TGFBR3: variants seen among roughly 807,000 people sequenced by gnomAD.
TGFBR3 encodes the protein transforming growth factor beta receptor type 3.
TGFBR3 carries 46 observed loss-of-function variants against 87.9 expected under a neutral mutation model. The ratio of observed to expected loss-of-function variants is 0.52; its 90% CI spans 0.41 to 0.67. The LOEUF is 0.67. TGFBR3 is among the 30% of genes least tolerant of loss of function. The pLI is 0.00. For missense variants in TGFBR3, 866 were observed against 1,041.9 expected (o/e 0.83, Z 2.32); for synonymous variants, 381 against 391.6 (o/e 0.97, Z 0.32).
chr1:91,859,570 T>A (rs1424518430), intron 2 of TGFBR3, among the ~76,000 whole-genome samples: 1 of 151,988 alleles, frequency 6.6e-6, no homozygotes, highest in Non-Finnish European at 1.5e-5. Flanking sequence ...AATGGGCAGT[T>A]GAAATTCATA....
chr1:91,781,793 GGA>G (rs1275741026), intron 3 of TGFBR3, among the ~76,000 whole-genome samples: 1 of 151,936 alleles, frequency 6.6e-6, no homozygotes, highest in Admixed American at 6.6e-5. Context: ...TTCCATATTT[GGA>G]AATAGGCTGG....
chr1:91,902,548 G>A (rs1373565927), intron 1 of TGFBR3, among the ~76,000 whole-genome samples: 2 of 151,858 alleles, frequency 1.3e-5, no homozygotes, highest in African/African-American at 4.8e-5. Context: ...CTCCCAAAGT[G>A]CTGGGATTAT....
At chr1:91,830,348 T>A (rs1357531719) in intron 2 of TGFBR3, among the ~76,000 whole-genome samples, 1 of 152,166 alleles carries the variant, frequency 6.6e-6, no homozygotes, top group Non-Finnish European at 1.5e-5. Context: ...GTGTTTGGTA[T>A]GTCTTTGTTT....
intron 16 of TGFBR3, 88 bp downstream of exon 16, chr1:91,695,584 C>T (rs1171653345): frequency 1.1e-5 from 12 of 1,083,848 alleles, no homozygotes; most frequent in South Asian, 6.3e-5. Context: ...CTCTTTCATT[C>T]GTTATTTCAT....
At chr1:91,824,942 A>G (rs1472580616) in intron 2 of TGFBR3, among the ~76,000 whole-genome samples, 2 of 150,358 alleles carry the variant, frequency 1.3e-5, no homozygotes, top group Non-Finnish European at 3.0e-5. Context: ...CCTGGGTGAC[A>G]GAGCAAGACT....
intron 1 of TGFBR3, among the ~76,000 whole-genome samples, chr1:91,872,127 T>C (rs941163215): frequency 1.3e-5 from 2 of 152,224 alleles, no homozygotes; most frequent in Non-Finnish European, 2.9e-5. Context: ...GCCTTTGCCT[T>C]TCTTGGCTGG....
intron 12 of TGFBR3, among the ~76,000 whole-genome samples, chr1:91,715,015 T>C (rs1156911223): frequency 6.6e-6 from 1 of 152,108 alleles, no homozygotes; most frequent in Non-Finnish European, 1.5e-5. Flanking sequence ...TGCACCAAAG[T>C]CACTTTTAAC....
At chr1:91,877,936 A>G (rs1218607547) in intron 1 of TGFBR3, among the ~76,000 whole-genome samples, 1 of 152,230 alleles carries the variant, frequency 6.6e-6, no homozygotes, top group African/African-American at 2.4e-5. Context: ...TAAAAGATAG[A>G]CCAGCAATAG....
chr1:91,774,999 C>G (rs1674519525), intron 3 of TGFBR3, among the ~76,000 whole-genome samples: 1 of 151,988 alleles, frequency 6.6e-6, no homozygotes, highest in Admixed American at 6.5e-5. Context: ...ACATTCTACT[C>G]CAAATGTTTG....
intron 2 of TGFBR3, among the ~76,000 whole-genome samples, chr1:91,894,359 T>A (rs775048116): frequency 3.1e-4 from 47 of 152,168 alleles, no homozygotes; most frequent in Non-Finnish European, 4.9e-4. Flanking sequence ...TACTAGAATA[T>A]TTCTTGTCTT....
chr1:91,905,003 T>A (rs1679815322), intron 1 of TGFBR3, among the ~76,000 whole-genome samples: 1 of 152,144 alleles, frequency 6.6e-6, no homozygotes, highest in South Asian at 2.1e-4. Context: ...CCTGGCCAGA[T>A]TCTTTACCTG....
upstream of TGFBR3, among the ~76,000 whole-genome samples, chr1:91,887,031 G>T (rs1276545570): frequency 1.3e-5 from 2 of 152,018 alleles, no homozygotes; most frequent in African/African-American, 4.8e-5. Flanking sequence ...TTATTAAAAA[G>T]TATACTTAAG....
chr1:91,871,252 A>G (rs778538469), intron 1 of TGFBR3, among the ~76,000 whole-genome samples: 16 of 152,162 alleles, frequency 1.1e-4, no homozygotes, highest in Non-Finnish European at 1.8e-4. Context: ...CTGCATGGAC[A>G]CTCACTTTCT....
intron 3 of TGFBR3, among the ~76,000 whole-genome samples, chr1:91,787,981 T>G (rs1313492849): frequency 6.9e-6 from 1 of 145,286 alleles, no homozygotes; most frequent in African/African-American, 2.6e-5. Context: ...AGTGAGCAGC[T>G]GAGAAAGAAA....
At chr1:91,689,907 T>C (rs1671214732) in intron 16 of TGFBR3, among the ~76,000 whole-genome samples, 2 of 147,734 alleles carry the variant, frequency 1.4e-5, no homozygotes, top group African/African-American at 5.0e-5. Context: ...TTTAAAGGCA[T>C]TGACTTGCAT....
At chr1:91,889,176 C>A (rs139584900), upstream of TGFBR3, among the ~76,000 whole-genome samples, 2 of 152,162 alleles carry the variant, frequency 1.3e-5, no homozygotes, top group Admixed American at 1.3e-4. Context: ...TGAGCCACTG[C>A]GCCTGGCCAT....
intron 14 of TGFBR3, among the ~76,000 whole-genome samples, chr1:91,704,958 G>A (rs1224478644): frequency 1.3e-5 from 2 of 152,332 alleles, no homozygotes; most frequent in East Asian, 3.9e-4. Context: ...GCCAACCAGA[G>A]CCTTTATCTG....
At chr1:91,855,478 G>A (rs1226768294) in intron 2 of TGFBR3, among the ~76,000 whole-genome samples, 1 of 152,234 alleles carries the variant, frequency 6.6e-6, no homozygotes, top group African/African-American at 2.4e-5. Context: ...CCTGCCTAAT[G>A]TTGGCAAGCC....
At chr1:91,727,981 G>A (rs1672607381) in intron 6 of TGFBR3, 175 bp from the exon 7 acceptor site, 1 of 684,340 alleles carries the variant, frequency 1.5e-6, no homozygotes, top group East Asian at 2.7e-5. Flanking sequence ...TAACAAAATT[G>A]TTTTACATAA....
Sources: allele counts gnomAD v4.1 joint callset (sites outside exome capture counted in the v4.1 genomes callset), GRCh38; gene constraint gnomAD v4.1.1; transcripts MANE v1.5; gene names NCBI Gene and HGNC (gene_info 2026-07-23, HGNC 2026-07-21).